The following STPG4 variants were observed in gnomAD, a reference collection of about 807,000 sequenced individuals.
The protein encoded by STPG4 is sperm-tail PG-rich repeat containing 4, also known as protein STPG4.
In STPG4, 41 loss-of-function variants were observed where a neutral mutation model predicts 31.5. The observed-to-expected ratio is 1.30, with a 90% CI of 1.01 to 1.69. STPG4 has a LOEUF of 1.69. STPG4 is among the 40% of genes most tolerant of loss of function. STPG4 has a pLI of 0.00. For missense variants in STPG4, 375 were observed against 293.4 expected (o/e 1.28, Z -2.03); for synonymous variants, 141 against 103.0 (o/e 1.37, Z -2.24).
intron 5 of STPG4, among the ~76,000 whole-genome samples, chr2:47,127,892 GTA>G (rs1284545196): frequency 2.6e-5 from 4 of 152,150 alleles, no homozygotes; most frequent in African/African-American, 7.2e-5. Flanking sequence ...CTTGATACCT[GTA>G]TATGTTTGCC....
At chr2:47,140,705 C>G (rs1286302839) in intron 3 of STPG4, among the ~76,000 whole-genome samples, 1 of 152,112 alleles carries the variant, frequency 6.6e-6, no homozygotes, top group African/African-American at 2.4e-5. Context: ...ACTTCAACTT[C>G]CAAGCTATTT....
chr2:47,130,052 T>G (rs1191653155), intron 4 of STPG4, 57 bp from the exon 5 acceptor site: 4 of 1,482,110 alleles, frequency 2.7e-6, no homozygotes, highest in Admixed American at 3.7e-5. Flanking sequence ...TTAAAGATCT[T>G]TGTTAACTTA....
intron 5 of STPG4, among the ~76,000 whole-genome samples, chr2:47,121,636 A>G (rs1686273428): frequency 6.6e-6 from 1 of 152,180 alleles, no homozygotes; most frequent in African/African-American, 2.4e-5. Context: ...TGTCTTAAAC[A>G]AACAAATTTA....
intron 3 of STPG4, among the ~76,000 whole-genome samples, chr2:47,133,577 T>TC (rs1291217229): frequency 8.0e-6 from 1 of 125,016 alleles, no homozygotes; most frequent in African/African-American, 2.9e-5. Context: ...AATCTTTTTT[T>TC]TTTTTTTTTT....
At chr2:47,095,898 C>T (rs886790433) in intron 5 of STPG4, among the ~76,000 whole-genome samples, 8 of 152,128 alleles carry the variant, frequency 5.3e-5, no homozygotes, top group African/African-American at 1.4e-4. Context: ...GTTTCTTCCC[C>T]ACGCTCCTTC....
At chr2:47,129,061 T>C (rs1334333355) in intron 5 of STPG4, 3 of 152,192 alleles carry the variant, frequency 2.0e-5, no homozygotes, top group African/African-American at 7.2e-5. Context: ...CAGAGATGTG[T>C]CTAGAAATGT....
chr2:47,139,731 G>A (rs1325336609), intron 3 of STPG4, among the ~76,000 whole-genome samples: 1 of 152,096 alleles, frequency 6.6e-6, no homozygotes, highest in Non-Finnish European at 1.5e-5. Context: ...CAACATACAA[G>A]ATTATGCTCT....
chr2:47,130,277 A>G lies in STPG4; in HGVS notation c.400-17T>C, dbSNP rs762705800. The G allele has an allele frequency of 6.2e-7, 1 of 1,610,032 alleles. No individual in the cohort carries two copies. The highest frequency in any genetic ancestry group is 1.7e-5 in the Admixed American group (1 of 59,826). On this transcript the variant is annotated splice_polypyrimidine_tract_variant and intron_variant, in intron 3 of 6. Coordinates refer to ENST00000445927, the MANE Select transcript of STPG4 (RefSeq NM_001163561.2). ...CTGAAGTGACTGCACAGAATGGACAAGGACACCAATAGATTAATAGAGGTT... is the reference window on the plus strand; with the variant it reads ...CTGAAGTGACTGCACAGAATGGACAGGGACACCAATAGATTAATAGAGGTT...
At chr2:47,096,200 A>G (rs1356653474) in intron 5 of STPG4, among the ~76,000 whole-genome samples, 1 of 152,206 alleles carries the variant, frequency 6.6e-6, no homozygotes, top group East Asian at 1.9e-4. Flanking sequence ...CTTACCAAAA[A>G]TAAATAAATC....
At chr2:47,154,282 T>G in intron 1 of STPG4, among the ~76,000 whole-genome samples, 1 of 152,242 alleles carries the variant, frequency 6.6e-6, no homozygotes, top group East Asian at 1.9e-4. Flanking sequence ...TCTTTGATAC[T>G]TCTTCGCGAG....
At chr2:47,099,701 C>T (rs1037818280) in intron 5 of STPG4, among the ~76,000 whole-genome samples, 3 of 152,240 alleles carry the variant, frequency 2.0e-5, no homozygotes, top group Admixed American at 6.5e-5. Flanking sequence ...AGGCCAGAGC[C>T]GGCTCCCTCA....
intron 5 of STPG4, among the ~76,000 whole-genome samples, chr2:47,098,996 T>C (rs571000149): frequency 4.6e-5 from 7 of 152,306 alleles, no homozygotes; most frequent in Admixed American, 2.6e-4. Context: ...TATTCACATT[T>C]GCAAAATTAG....
intron 3 of STPG4, among the ~76,000 whole-genome samples, chr2:47,137,557 A>G (rs980904532): frequency 1.3e-5 from 2 of 152,216 alleles, no homozygotes; most frequent in African/African-American, 4.8e-5. Context: ...AAGAATTGGC[A>G]TAATTCCTTC....
chr2:47,091,440 A>G (rs976502642), intron 5 of STPG4, among the ~76,000 whole-genome samples: 2 of 152,260 alleles, frequency 1.3e-5, no homozygotes, highest in African/African-American at 4.8e-5. Context: ...CCCAAACACC[A>G]CACTGGATAA....
chr2:47,127,714 T>C (rs1165935118), intron 5 of STPG4, among the ~76,000 whole-genome samples: 1 of 152,232 alleles, frequency 6.6e-6, no homozygotes, highest in Non-Finnish European at 1.5e-5. Context: ...TAAATTTATC[T>C]GATAGAATTC....
intron 5 of STPG4, among the ~76,000 whole-genome samples, chr2:47,100,986 C>T (rs183729202): frequency 1.3e-5 from 2 of 151,994 alleles, no homozygotes; most frequent in Non-Finnish European, 2.9e-5. Flanking sequence ...CACATTTTGG[C>T]GACCCAGATG....
intron 5 of STPG4, among the ~76,000 whole-genome samples, chr2:47,101,495 T>TCTCAC (rs756060351): frequency 9.9e-5 from 15 of 151,780 alleles, no homozygotes; most frequent in Non-Finnish European, 2.1e-4. Context: ...ACAAACTTCC[T>TCTCAC]CTCACCTCTC....
At chr2:47,149,503 T>A (rs1008072401) in intron 3 of STPG4, among the ~76,000 whole-genome samples, 4 of 152,214 alleles carry the variant, frequency 2.6e-5, no homozygotes, top group Non-Finnish European at 4.4e-5. Flanking sequence ...TTTGTATGCA[T>A]CCACTGAAGC....
intron 2 of STPG4, among the ~76,000 whole-genome samples, chr2:47,151,919 G>GTTTTTTTTTTT (rs71245620): frequency 2.7e-5 from 2 of 74,812 alleles, no homozygotes; most frequent in African/African-American, 6.0e-5. Context: ...TTTTTGTTTT[G>GTTTTTTTTTTT]TTTTTTTTTT....
Sources: gnomAD v4.1 joint callset for allele counts (sites outside exome capture counted in the v4.1 genomes callset) on GRCh38, gnomAD v4.1.1 for gene constraint, MANE v1.5 for transcripts, NCBI Gene and HGNC (gene_info 2026-07-23, HGNC 2026-07-21) for gene names.